MACROD2: variants seen among roughly 807,000 people sequenced by gnomAD.
The protein encoded by MACROD2 is ADP-ribose glycohydrolase MACROD2.
Under a neutral mutation model 70.4 loss-of-function variants are expected in MACROD2, and 36 were observed. The ratio of observed to expected loss-of-function variants is 0.51; its 90% CI spans 0.39 to 0.68. The LOEUF (loss-of-function observed/expected upper bound fraction) is 0.68, where lower values mean the gene tolerates loss of function less well. Ranked by LOEUF, MACROD2 falls within the 30% of genes least tolerant of loss-of-function variation. The pLI, the probability that MACROD2 is intolerant of heterozygous loss-of-function variation, is 0.00. For synonymous variants in MACROD2, 172 were observed against 178.8 expected, an observed-to-expected ratio of 0.96 and a Z score of 0.30; for missense variants, 496 against 538.4, an observed-to-expected ratio of 0.92 and a Z score of 0.78.
chr20:14,111,543 GC>G (rs2054451473), intron 3 of MACROD2, among the ~76,000 whole-genome samples: 1 of 152,062 alleles, frequency 6.6e-6, no homozygotes, highest in South Asian at 2.1e-4. Context: ...TTAAAAATGG[GC>G]CAAAGATGTG....
At chr20:14,646,278 A>C (rs1985387034) in intron 4 of MACROD2, among the ~76,000 whole-genome samples, 1 of 151,304 alleles carries the variant, frequency 6.6e-6, no homozygotes, top group South Asian at 2.1e-4. Flanking sequence ...CAGAGTGTCA[A>C]ATATTGAAGC....
At chr20:14,192,935 C>T (rs1263931905) in intron 3 of MACROD2, among the ~76,000 whole-genome samples, 1 of 152,156 alleles carries the variant, frequency 6.6e-6, no homozygotes, top group Non-Finnish European at 1.5e-5. Flanking sequence ...GAGTTATTGT[C>T]AAACAGTTTA....
At chr20:15,192,014 G>GTATCTATGTATC (rs1555791194) in intron 5 of MACROD2, among the ~76,000 whole-genome samples, 1 of 146,388 alleles carries the variant, frequency 6.8e-6, no homozygotes, top group African/African-American at 2.6e-5. Flanking sequence ...TATTAACTAT[G>GTATCTATGTATC]TATCTATCTA....
At chr20:14,847,217 C>T (rs1343576171) in intron 5 of MACROD2, among the ~76,000 whole-genome samples, 1 of 152,104 alleles carries the variant, frequency 6.6e-6, no homozygotes, top group Admixed American at 6.5e-5. Flanking sequence ...GTTTTTCTCA[C>T]AGTGAACTCT....
intron 7 of MACROD2, among the ~76,000 whole-genome samples, chr20:15,441,752 C>G (rs1046509941): frequency 3.9e-5 from 6 of 152,254 alleles, no homozygotes; most frequent in African/African-American, 1.4e-4. Flanking sequence ...GCCTGGAAGG[C>G]ATCACTGAAT....
At chr20:14,828,255 G>A (rs2072924357) in intron 5 of MACROD2, among the ~76,000 whole-genome samples, 1 of 152,070 alleles carries the variant, frequency 6.6e-6, no homozygotes, top group Non-Finnish European at 1.5e-5. Flanking sequence ...ATTGGAAGTT[G>A]GTTCTGAGCT....
intron 4 of MACROD2, among the ~76,000 whole-genome samples, chr20:14,508,643 T>C (rs1262964408): frequency 1.3e-5 from 2 of 152,202 alleles, no homozygotes; most frequent in Non-Finnish European, 2.9e-5. Flanking sequence ...AGTAGCAATA[T>C]ACCTATGAAC....
intron 2 of MACROD2, among the ~76,000 whole-genome samples, chr20:14,084,390 CAG>C (rs1367647454): frequency 1.3e-5 from 2 of 152,108 alleles, no homozygotes; most frequent in African/African-American, 4.8e-5. Flanking sequence ...GAATGAATAA[CAG>C]TATCTCCTTG....
intron 5 of MACROD2, among the ~76,000 whole-genome samples, chr20:15,048,812 C>T (rs1030593886): frequency 6.6e-6 from 1 of 152,120 alleles, no homozygotes; most frequent in African/African-American, 2.4e-5. Context: ...TCCACATTCT[C>T]AATTATAGAT....
intron 4 of MACROD2, among the ~76,000 whole-genome samples, chr20:14,659,082 A>G (rs1156710218): frequency 6.6e-6 from 1 of 152,140 alleles, no homozygotes. Context: ...AAAGTTCCCA[A>G]GAGATGCGGT....
intron 2 of MACROD2, among the ~76,000 whole-genome samples, chr20:14,081,044 G>A (rs1382084107): frequency 1.3e-5 from 2 of 152,108 alleles, no homozygotes; most frequent in Admixed American, 6.5e-5. Flanking sequence ...TCTTGTCTAG[G>A]CCCCATTCTT....
chr20:15,013,114 C>A (rs1057061908), intron 5 of MACROD2, among the ~76,000 whole-genome samples: 6 of 152,224 alleles, frequency 3.9e-5, no homozygotes, highest in African/African-American at 1.2e-4. Context: ...CTGAGTAGAA[C>A]CCCTCTTTCT....
At chr20:15,109,451 G>T (rs750928733) in intron 5 of MACROD2, among the ~76,000 whole-genome samples, 1 of 152,166 alleles carries the variant, frequency 6.6e-6, no homozygotes, top group Non-Finnish European at 1.5e-5. Flanking sequence ...AAGGGTTGCT[G>T]ACAGTGCTTA....
chr20:14,496,944 A>T (rs779103144), intron 4 of MACROD2, among the ~76,000 whole-genome samples: 1 of 151,640 alleles, frequency 6.6e-6, no homozygotes, highest in Non-Finnish European at 1.5e-5. Flanking sequence ...AATGGTTGAG[A>T]GAAACTTCTT....
chr20:16,043,680 C>T (rs1209217246), intron 16 of MACROD2, among the ~76,000 whole-genome samples: 3 of 152,098 alleles, frequency 2.0e-5, no homozygotes, highest in Non-Finnish European at 4.4e-5. Context: ...AGATGGTCGG[C>T]TTTTTAATTT....
At chr20:16,003,078 CCACCCACACACA>C (rs1271203674) in intron 15 of MACROD2, among the ~76,000 whole-genome samples, 1,890 of 129,902 alleles carry the variant, frequency 0.015, 36 homozygotes, top group African/African-American at 0.048. Context: ...ACCCACCCAC[CCACCCACACACA>C]CACACACACA....
intron 6 of MACROD2, among the ~76,000 whole-genome samples, chr20:15,368,783 A>G (rs1222129719): frequency 6.6e-6 from 1 of 151,942 alleles, no homozygotes; most frequent in Non-Finnish European, 1.5e-5. Flanking sequence ...CTTTTTTTTT[A>G]ATAGAGATAC....
intron 8 of MACROD2, among the ~76,000 whole-genome samples, chr20:15,777,385 C>A (rs1352359217): frequency 6.6e-6 from 1 of 151,008 alleles, no homozygotes; most frequent in East Asian, 1.9e-4. Context: ...TAGAAAAATA[C>A]TAATCTAGTC....
intron 5 of MACROD2, among the ~76,000 whole-genome samples, chr20:14,839,932 T>C (rs1425415155): frequency 6.6e-6 from 1 of 152,094 alleles, no homozygotes; most frequent in Non-Finnish European, 1.5e-5. Flanking sequence ...GTGATGAAAA[T>C]GGTAAAATGT....
Sources: allele counts gnomAD v4.1 joint callset (sites outside exome capture counted in the v4.1 genomes callset), GRCh38; gene constraint gnomAD v4.1.1; transcripts MANE v1.5; gene names NCBI Gene and HGNC (gene_info 2026-07-23, HGNC 2026-07-21).